The following OSBPL9 variants were observed in gnomAD, a reference collection of about 807,000 sequenced individuals.
OSBPL9 encodes the protein oxysterol binding protein like 9.
Under a neutral mutation model 106.6 loss-of-function variants are expected in OSBPL9, and 40 were observed. That is an observed-to-expected ratio of 0.38 (90% CI 0.29 to 0.49). The LOEUF is 0.49. OSBPL9 is among the 20% of genes least tolerant of loss of function. The pLI is 0.97. For missense variants in OSBPL9, 609 were observed against 887.2 expected, an observed-to-expected ratio of 0.69 and a Z score of 3.98; for synonymous variants, 269 against 295.4, an observed-to-expected ratio of 0.91 and a Z score of 0.92.
At chr1:51,704,827 G>C (rs1474868523) in intron 3 of OSBPL9, among the ~76,000 whole-genome samples, 2 of 152,082 alleles carry the variant, frequency 1.3e-5, no homozygotes, top group African/African-American at 4.8e-5. Flanking sequence ...GAATTTTGGG[G>C]CAACACAAAC....
At chr1:51,682,313 A>T (rs1652741196) in intron 3 of OSBPL9, among the ~76,000 whole-genome samples, 1 of 152,194 alleles carries the variant, frequency 6.6e-6, no homozygotes, top group South Asian at 2.1e-4. Context: ...GAACCTGCAG[A>T]TACAGAGGGC....
intron 1 of OSBPL9, among the ~76,000 whole-genome samples, chr1:51,637,894 T>C (rs535943141): frequency 1.2e-3 from 183 of 152,324 alleles, no homozygotes; most frequent in African/African-American, 4.3e-3. Context: ...GTTAGAGACA[T>C]ACCTATTACC....
chr1:51,589,515 A>C (rs1557577168), intron 1 of OSBPL9, among the ~76,000 whole-genome samples: 1 of 152,192 alleles, frequency 6.6e-6, no homozygotes, highest in Non-Finnish European at 1.5e-5. Context: ...AACCGTATAC[A>C]GGGGAATAAT....
chr1:51,737,510 T>C (rs1238671110), intron 4 of OSBPL9, among the ~76,000 whole-genome samples: 1 of 151,120 alleles, frequency 6.6e-6, no homozygotes, highest in African/African-American at 2.4e-5. Context: ...ACTGCAGGTG[T>C]TTTGTTTCTT....
At chr1:51,558,270 A>C in the OSBPL9 span, among the ~76,000 whole-genome samples, 1 of 144,776 alleles carries the variant, frequency 6.9e-6, no homozygotes, top group Non-Finnish European at 1.5e-5. Context: ...ACAGAGCCAG[A>C]CTCCGTCTCA....
At chr1:51,753,879 A>G (rs776898594) in intron 8 of OSBPL9, among the ~76,000 whole-genome samples, 2 of 152,168 alleles carry the variant, frequency 1.3e-5, no homozygotes, top group Non-Finnish European at 2.9e-5. Flanking sequence ...ACATTGTGTT[A>G]TAATTCTGTT....
the OSBPL9 span, among the ~76,000 whole-genome samples, chr1:51,547,460 T>C: frequency 6.6e-6 from 1 of 152,180 alleles, no homozygotes; most frequent in Non-Finnish European, 1.5e-5. Flanking sequence ...AATTCACTTT[T>C]TATAAGAACA....
chr1:51,686,714 A>C (rs1298903923), intron 3 of OSBPL9, among the ~76,000 whole-genome samples: 1 of 152,182 alleles, frequency 6.6e-6, no homozygotes, highest in Admixed American at 6.5e-5. Context: ...GGAGGTTTGG[A>C]AACCTGGCCA....
intron 1 of OSBPL9, among the ~76,000 whole-genome samples, chr1:51,648,602 G>A (rs899878062): frequency 6.6e-6 from 1 of 152,140 alleles, no homozygotes; most frequent in African/African-American, 2.4e-5. Flanking sequence ...GTGGAGAGAG[G>A]GAGGGAGAGG....
chr1:51,740,119 C>T, intron 4 of OSBPL9: 1 of 1,549,038 alleles, frequency 6.5e-7, no homozygotes, highest in Non-Finnish European at 8.7e-7. Flanking sequence ...TTTCTATTCT[C>T]TCTTTTCCTT....
rs1320725298 is a variant in OSBPL9 at position 51,772,388 on chromosome 1, G to T, written c.1051+206G>T. Among the ~76,000 whole-genome samples, 4 of 152,118 alleles carry T rather than the reference G, an allele frequency of 2.6e-5. No homozygotes were observed. In the East Asian group the frequency reaches 7.7e-4, roughly 29 times the overall value. ...AAATTAGCTGGGCATGGTGGTGCGT[G>T]CCTGTAATCCCAGCTGCCAAGGAGG... On this transcript the variant is annotated intron_variant, in intron 13 of 23. Coordinates refer to ENST00000428468, the MANE Select transcript of OSBPL9 (RefSeq NM_024586.6).
chr1:51,554,229 A>G, the OSBPL9 span, among the ~76,000 whole-genome samples: 1 of 152,240 alleles, frequency 6.6e-6, no homozygotes, highest in East Asian at 1.9e-4. Context: ...GCAGGGAAAA[A>G]CAGATGCATA....
At chr1:51,706,003 T>G (rs1658467920) in intron 3 of OSBPL9, among the ~76,000 whole-genome samples, 1 of 152,370 alleles carries the variant, frequency 6.6e-6, no homozygotes, top group East Asian at 1.9e-4. Context: ...CATGTCTGTT[T>G]ATTCTGTTAG....
intron 1 of OSBPL9, among the ~76,000 whole-genome samples, chr1:51,648,358 C>T (rs529936148): frequency 6.6e-6 from 1 of 152,306 alleles, no homozygotes; most frequent in East Asian, 1.9e-4. Context: ...GCTGTGTAGG[C>T]TTGCTTTCTT....
chr1:51,540,922 G>A, the OSBPL9 span, among the ~76,000 whole-genome samples: 1 of 149,956 alleles, frequency 6.7e-6, no homozygotes, highest in Non-Finnish European at 1.5e-5. Flanking sequence ...TAGCGCCACT[G>A]CACTCCAGCC....
chr1:51,701,326 G>A (rs1657191563), intron 3 of OSBPL9, among the ~76,000 whole-genome samples: 1 of 152,116 alleles, frequency 6.6e-6, no homozygotes, highest in Non-Finnish European at 1.5e-5. Flanking sequence ...TGGACTTGTG[G>A]ATATTTATTA....
intron 1 of OSBPL9, among the ~76,000 whole-genome samples, chr1:51,628,684 C>CTTTTTTTTTTTTTT (rs909175159): frequency 7.4e-6 from 1 of 134,466 alleles, no homozygotes; most frequent in Non-Finnish European, 1.6e-5. Context: ...TTCTTTTTTT[C>CTTTTTTTTTTTTTT]TTTTTTTTTT....
At chr1:51,641,857 G>C (rs1230594733) in intron 1 of OSBPL9, among the ~76,000 whole-genome samples, 1 of 152,138 alleles carries the variant, frequency 6.6e-6, no homozygotes, top group Admixed American at 6.6e-5. Context: ...ATATCGAAGA[G>C]AATCTAGATA....
At chr1:51,696,868 GATAGTTGGGAT>G (rs1656127101) in intron 3 of OSBPL9, among the ~76,000 whole-genome samples, 1 of 151,980 alleles carries the variant, frequency 6.6e-6, no homozygotes, top group Non-Finnish European at 1.5e-5. Flanking sequence ...AATGGGTGAA[GATAGTTGGGAT>G]ATAGGCTCAT....
Sources: allele counts gnomAD v4.1 joint callset (sites outside exome capture counted in the v4.1 genomes callset), GRCh38; gene constraint gnomAD v4.1.1; transcripts MANE v1.5; gene names NCBI Gene and HGNC (gene_info 2026-07-23, HGNC 2026-07-21).